The following GRM5 variants were observed in gnomAD, a reference collection of about 807,000 sequenced individuals.
The protein encoded by GRM5 is metabotropic glutamate receptor 5.
In GRM5, 19 loss-of-function variants were observed where a neutral mutation model predicts 83.1. The observed-to-expected ratio is 0.23, with a 90% confidence interval of 0.16 to 0.34. The LOEUF is 0.34. Ranked by LOEUF, GRM5 falls within the 10% of genes least tolerant of loss-of-function variation. The pLI, the probability that GRM5 is intolerant of heterozygous loss-of-function variation, is 1.00. For missense variants in GRM5, 1,160 were observed against 1,588.3 expected (o/e 0.73, Z 4.58); for synonymous variants, 675 against 633.6 (o/e 1.07, Z -0.98).
chr11:88,549,849 T>G (rs991931294), intron 8 of GRM5, among the ~76,000 whole-genome samples: 2 of 152,110 alleles, frequency 1.3e-5, no homozygotes, highest in African/African-American at 4.8e-5. Context: ...ATAATGTGAT[T>G]ACATTTTCAC....
chr11:88,692,838 C>A (rs186877742), intron 3 of GRM5, among the ~76,000 whole-genome samples: 1 of 152,156 alleles, frequency 6.6e-6, no homozygotes, highest in Non-Finnish European at 1.5e-5. Flanking sequence ...GGGCCACCCT[C>A]CATGCCTCCA....
chr11:89,061,655 C>T (rs1188141684), intron 1 of GRM5, among the ~76,000 whole-genome samples: 1 of 152,104 alleles, frequency 6.6e-6, no homozygotes, highest in African/African-American at 2.4e-5. Flanking sequence ...TTTTCAATTT[C>T]CCCCTGGGTG....
intron 8 of GRM5, among the ~76,000 whole-genome samples, chr11:88,528,105 CAAAACAA>C (rs71470771): frequency 0.59 from 88,523 of 151,228 alleles, 26,581 homozygotes; most frequent in South Asian, 0.67. Flanking sequence ...ACCATAGAAA[CAAAACAA>C]AAAACAAAAA....
chr11:88,825,314 C>A (rs1056045559), intron 3 of GRM5, among the ~76,000 whole-genome samples: 1 of 151,886 alleles, frequency 6.6e-6, no homozygotes, highest in Non-Finnish European at 1.5e-5. Flanking sequence ...TTTGTGAACA[C>A]CCCTCAAATA....
intron 3 of GRM5, among the ~76,000 whole-genome samples, chr11:88,757,112 G>A (rs972494109): frequency 3.3e-5 from 5 of 152,134 alleles, no homozygotes; most frequent in East Asian, 1.9e-4. Context: ...AGAAATATTC[G>A]AGGCCAGGAG....
chr11:88,870,096 T>C (rs1250037937), intron 2 of GRM5, among the ~76,000 whole-genome samples: 1 of 151,410 alleles, frequency 6.6e-6, no homozygotes, highest in Admixed American at 6.6e-5. Flanking sequence ...CTTCACTATA[T>C]GAGAGGATAT....
At chr11:88,777,774 A>G (rs1942887791) in intron 3 of GRM5, among the ~76,000 whole-genome samples, 1 of 152,178 alleles carries the variant, frequency 6.6e-6, no homozygotes. Context: ...AGGCTGCAGA[A>G]CAGAGAATAT....
intron 2 of GRM5, among the ~76,000 whole-genome samples, chr11:88,951,061 C>A (rs1441930529): frequency 2.8e-5 from 4 of 141,454 alleles, no homozygotes; most frequent in Non-Finnish European, 6.2e-5. Context: ...TTCTTTTTCT[C>A]AAATGGCAGA....
intron 4 of GRM5, among the ~76,000 whole-genome samples, chr11:88,645,104 C>T (rs1244764379): frequency 6.6e-6 from 1 of 152,106 alleles, no homozygotes; most frequent in Non-Finnish European, 1.5e-5. Flanking sequence ...CCAGAGAAAT[C>T]TCATTGCCAA....
At chr11:88,700,893 A>G (rs1941017764) in intron 3 of GRM5, among the ~76,000 whole-genome samples, 1 of 152,166 alleles carries the variant, frequency 6.6e-6, no homozygotes, top group Non-Finnish European at 1.5e-5. Flanking sequence ...ATAAGATGAA[A>G]TAAACAGCTT....
intron 4 of GRM5, among the ~76,000 whole-genome samples, chr11:88,627,543 C>T (rs1938835999): frequency 6.6e-6 from 1 of 152,138 alleles, no homozygotes; most frequent in African/African-American, 2.4e-5. Context: ...TCCTAATTGG[C>T]TGTACAACAG....
chr11:89,015,448 T>C (rs1225651032), intron 2 of GRM5, among the ~76,000 whole-genome samples: 1 of 152,184 alleles, frequency 6.6e-6, no homozygotes, highest in African/African-American at 2.4e-5. Context: ...AAGAAATCAA[T>C]GGGTGTCTGT....
intron 3 of GRM5, among the ~76,000 whole-genome samples, chr11:88,821,736 G>C (rs1412352912): frequency 6.6e-6 from 1 of 151,996 alleles, no homozygotes; most frequent in Non-Finnish European, 1.5e-5. Context: ...GTTTAGTCTG[G>C]AAAATAAATC....
At chr11:88,876,042 C>T (rs954811687) in intron 2 of GRM5, among the ~76,000 whole-genome samples, 2 of 152,012 alleles carry the variant, frequency 1.3e-5, no homozygotes, top group Non-Finnish European at 2.9e-5. Flanking sequence ...TCCTTTGAAG[C>T]CTTGAAGCAG....
chr11:88,982,129 T>C (rs1445513847), intron 2 of GRM5, among the ~76,000 whole-genome samples: 1 of 152,232 alleles, frequency 6.6e-6, no homozygotes, highest in Non-Finnish European at 1.5e-5. Flanking sequence ...CAATTTTTTG[T>C]TTCTATCAAA....
chr11:89,056,113 C>T (rs1941868161), intron 1 of GRM5, among the ~76,000 whole-genome samples: 1 of 152,264 alleles, frequency 6.6e-6, no homozygotes, highest in East Asian at 1.9e-4. Flanking sequence ...GTCTTAATAT[C>T]ATAAACAATG....
rs1937833064 is a variant in GRM5 at position 88,597,177 on chromosome 11, A to G, written c.1563+7T>C. 1 of 1,524,594 alleles carries G rather than the reference A, an allele frequency of 6.6e-7. No homozygotes were observed. The highest frequency in any genetic ancestry group is 2.2e-5 in the Admixed American group (1 of 45,138). 94.4% of individuals were successfully genotyped at this position (1,524,594 alleles called of 1,614,324 possible). A position where few individuals can be genotyped will look rare whatever the true frequency, so the allele number is the denominator to read the frequency against. On this transcript the variant is annotated splice_region_variant and intron_variant, in intron 6 of 9. Transcript: ENST00000305447. ...CAAAAATGAAAGAAACATAGATTCC[A>G]TTTTACCTTGATCTGGCCTTTCTCA...
intron 3 of GRM5, among the ~76,000 whole-genome samples, chr11:88,697,424 G>A (rs1443242277): frequency 6.6e-6 from 1 of 152,178 alleles, no homozygotes; most frequent in Non-Finnish European, 1.5e-5. Flanking sequence ...TGCTCTGCAA[G>A]TGCTCACTCA....
intron 3 of GRM5, among the ~76,000 whole-genome samples, chr11:88,778,082 G>C (rs888336449): frequency 6.6e-6 from 1 of 151,980 alleles, no homozygotes; most frequent in African/African-American, 2.4e-5. Flanking sequence ...AGAGGCAGTA[G>C]GCCTTGTTGA....
Sources: gnomAD v4.1 joint callset for allele counts (sites outside exome capture counted in the v4.1 genomes callset) on GRCh38, gnomAD v4.1.1 for gene constraint, MANE v1.5 for transcripts, NCBI Gene and HGNC (gene_info 2026-07-23, HGNC 2026-07-21) for gene names.